ST18: variants seen among roughly 807,000 people sequenced by gnomAD.
ST18 encodes ST18 C2H2C-type zinc finger transcription factor.
Under a neutral mutation model 110.0 loss-of-function variants are expected in ST18, and 50 were observed. The observed-to-expected ratio is 0.45, with a 90% CI of 0.36 to 0.58. The LOEUF (loss-of-function observed/expected upper bound fraction) is 0.58, where lower values mean the gene tolerates loss of function less well. Among genes scored for constraint, ST18 ranks in the 20% least tolerant of loss-of-function variants. The pLI, the probability that ST18 is intolerant of heterozygous loss-of-function variation, is 0.00. For missense variants in ST18, 1,306 were observed against 1,280.1 expected (o/e 1.02, Z -0.31); for synonymous variants, 461 against 452.4 (o/e 1.02, Z -0.24).
chr8:52,251,205 T>C (rs531117658), intron 2 of ST18, among the ~76,000 whole-genome samples: 24 of 152,254 alleles, frequency 1.6e-4, no homozygotes, highest in African/African-American at 4.6e-4. Context: ...TTTTTGAACC[T>C]TGAAACCTTT....
chr8:52,360,194 C>A (rs1029676876), intron 2 of ST18, among the ~76,000 whole-genome samples: 1 of 152,006 alleles, frequency 6.6e-6, no homozygotes, highest in East Asian at 1.9e-4. Flanking sequence ...GTCTTTCCAG[C>A]ATATTGTACT....
intron 8 of ST18, among the ~76,000 whole-genome samples, chr8:52,196,171 G>C (rs926488785): frequency 2.0e-5 from 3 of 152,180 alleles, no homozygotes; most frequent in Non-Finnish European, 4.4e-5. Context: ...ATTGGGAGGT[G>C]CCCTTGTCTC....
At chr8:52,197,552 C>T (rs1313004420) in intron 8 of ST18, among the ~76,000 whole-genome samples, 1 of 151,996 alleles carries the variant, frequency 6.6e-6, no homozygotes, top group Non-Finnish European at 1.5e-5. Flanking sequence ...TAAGTGAAGA[C>T]CAGGAAACAT....
chr8:52,384,786 G>GAT (rs147007096), intron 2 of ST18, among the ~76,000 whole-genome samples: 1 of 147,386 alleles, frequency 6.8e-6, no homozygotes, highest in African/African-American at 2.5e-5. Context: ...TGTGTACACA[G>GAT]GTGTGTGTGT....
intron 12 of ST18, 61 bp downstream of exon 12, chr8:52,165,074 T>C: frequency 6.6e-7 from 1 of 1,519,190 alleles, no homozygotes; most frequent in Non-Finnish European, 9.1e-7. Flanking sequence ...ATTATTTTAT[T>C]GGTGGAACGT....
chr8:52,149,920 G>T lies in ST18; in HGVS notation c.1864C>A (p.Arg622=). 6.2e-7 allele frequency: 1 copy of T among 1,614,064 alleles called. No homozygotes were observed. The highest frequency in any genetic ancestry group is 8.5e-7 in the Non-Finnish European group (1 of 1,179,978). ...GTLDLSMKKN[R]ILDKSAPLTS... is the part of the protein sequence containing the mutation. ...AGGGGTGCAGACTTGTCCAGGATTC[G>T]ATTTTTTTTCATGCTTAAGTCCAAT... The change falls in exon 16 of 26, where the codon CGA becomes AGA. Residue 622 remains arginine, a synonymous_variant. Transcript: ENST00000689386.
At chr8:52,114,780 G>A (rs2041939526) in intron 25 of ST18, among the ~76,000 whole-genome samples, 8 of 152,158 alleles carry the variant, frequency 5.3e-5, no homozygotes, top group Admixed American at 5.2e-4. Context: ...AGCTCTCCGA[G>A]CCCTGATTTC....
intron 2 of ST18, among the ~76,000 whole-genome samples, chr8:52,277,429 G>A (rs1218462456): frequency 6.6e-6 from 1 of 152,148 alleles, no homozygotes; most frequent in African/African-American, 2.4e-5. Context: ...GCAGAATGTA[G>A]TACTTTTCTC....
intron 2 of ST18, among the ~76,000 whole-genome samples, chr8:52,299,582 T>G (rs189632152): frequency 1.8e-4 from 28 of 152,342 alleles, no homozygotes; most frequent in Admixed American, 3.9e-4. Flanking sequence ...TTCTCTTATT[T>G]CCTTTGGAGG....
chr8:52,304,813 T>C (rs1317360816), intron 2 of ST18, among the ~76,000 whole-genome samples: 1 of 152,208 alleles, frequency 6.6e-6, no homozygotes. Flanking sequence ...GACGTCCATC[T>C]TCTTGCTGTG....
At chr8:52,162,637 C>A (rs1587412185) in intron 13 of ST18, among the ~76,000 whole-genome samples, 3 of 152,094 alleles carry the variant, frequency 2.0e-5, no homozygotes, top group African/African-American at 4.8e-5. Flanking sequence ...TTATCACAAT[C>A]TAAGCTAAAT....
chr8:52,204,350 G>T (rs2079126258), intron 8 of ST18, among the ~76,000 whole-genome samples: 1 of 152,142 alleles, frequency 6.6e-6, no homozygotes, highest in Non-Finnish European at 1.5e-5. Flanking sequence ...CCAACCTATG[G>T]TCTCTGTGAT....
intron 2 of ST18, among the ~76,000 whole-genome samples, chr8:52,382,064 G>A (rs1834793037): frequency 6.6e-6 from 1 of 151,660 alleles, no homozygotes; most frequent in Non-Finnish European, 1.5e-5. Context: ...TAGGGCATGT[G>A]ATTCAATAGT....
chr8:52,213,363 C>T (rs545808834), intron 7 of ST18, among the ~76,000 whole-genome samples: 6 of 150,600 alleles, frequency 4.0e-5, no homozygotes, highest in African/African-American at 9.7e-5. Context: ...TTTGATCAGC[C>T]GCTGTCAGTT....
chr8:52,166,393 C>A (rs61132509), intron 11 of ST18, among the ~76,000 whole-genome samples: 23,988 of 152,116 alleles, frequency 0.16, 1,984 homozygotes, highest in East Asian at 0.21. Context: ...GTTCTTCTGC[C>A]CTGATTGCTC....
chr8:52,399,490 C>CTT (rs146299328), intron 2 of ST18, among the ~76,000 whole-genome samples: 2,391 of 144,906 alleles, frequency 0.017, 60 homozygotes, highest in African/African-American at 0.057. Context: ...AGTTGTTACT[C>CTT]TTTTTTTTTT....
intron 2 of ST18, among the ~76,000 whole-genome samples, chr8:52,313,851 C>T (rs2095971095): frequency 6.6e-6 from 1 of 152,192 alleles, no homozygotes; most frequent in Non-Finnish European, 1.5e-5. Context: ...CTGGCAACTT[C>T]TGCCCAGAGA....
intron 22 of ST18, among the ~76,000 whole-genome samples, chr8:52,130,905 C>A (rs1250955249): frequency 3.3e-5 from 5 of 152,142 alleles, no homozygotes; most frequent in Admixed American, 6.5e-5. Context: ...TGCCATTAGG[C>A]ATACTTGATT....
chr8:52,375,429 T>A (rs957530387), intron 2 of ST18, among the ~76,000 whole-genome samples: 1 of 151,074 alleles, frequency 6.6e-6, no homozygotes, highest in African/African-American at 2.4e-5. Context: ...TCAGGCCTTA[T>A]TTTACTGAAC....
Sources: allele counts gnomAD v4.1 joint callset (sites outside exome capture counted in the v4.1 genomes callset), GRCh38; gene constraint gnomAD v4.1.1; transcripts MANE v1.5; gene names NCBI Gene and HGNC (gene_info 2026-07-23, HGNC 2026-07-21).